CDC7: variants seen among roughly 807,000 people sequenced by gnomAD.
CDC7 encodes the protein cell division cycle 7-related protein kinase.
Under a neutral mutation model 53.5 loss-of-function variants are expected in CDC7, and 34 were observed. The observed-to-expected ratio is 0.64, with a 90% CI of 0.48 to 0.85. The LOEUF (loss-of-function observed/expected upper bound fraction) is 0.85. Ranked by LOEUF, CDC7 falls within the 40% of genes least tolerant of loss-of-function variation. The pLI, the probability that CDC7 is intolerant of heterozygous loss-of-function variation, is 0.00. For synonymous variants in CDC7, 211 were observed against 222.8 expected (o/e 0.95, Z 0.47); for missense variants, 594 against 679.7 (o/e 0.87, Z 1.40).
chr1:91,523,453 C>T (rs1668085839), intron 11 of CDC7, among the ~76,000 whole-genome samples: 1 of 152,082 alleles, frequency 6.6e-6, no homozygotes. Context: ...ACAGTTCCTG[C>T]CTTCAAAGAG....
chr1:91,506,756 C>A (rs1243442373), intron 2 of CDC7, among the ~76,000 whole-genome samples: 1 of 152,148 alleles, frequency 6.6e-6, no homozygotes, highest in African/African-American at 2.4e-5. Context: ...TCAAGACCAG[C>A]CTGGCCATTG....
At chr1:91,506,720 T>G (rs1571315497) in intron 2 of CDC7, among the ~76,000 whole-genome samples, 1 of 152,054 alleles carries the variant, frequency 6.6e-6, no homozygotes, top group African/African-American at 2.4e-5. Flanking sequence ...GAGGCCAAGG[T>G]GGGCAGATCA....
chr1:91,508,610 A>C (rs1667111325), intron 4 of CDC7, among the ~76,000 whole-genome samples: 1 of 152,062 alleles, frequency 6.6e-6, no homozygotes, highest in Non-Finnish European at 1.5e-5. Flanking sequence ...GCTCGACCTG[A>C]TTTCCTGTCT....
intron 2 of CDC7, among the ~76,000 whole-genome samples, chr1:91,502,809 G>A (rs1045984710): frequency 6.6e-6 from 1 of 152,034 alleles, no homozygotes; most frequent in Non-Finnish European, 1.5e-5. Flanking sequence ...TATGCTGCCT[G>A]CTTGCACTTT....
At chr1:91,503,633 C>T (rs1309137738) in intron 2 of CDC7, among the ~76,000 whole-genome samples, 1 of 152,164 alleles carries the variant, frequency 6.6e-6, no homozygotes, top group African/African-American at 2.4e-5. Flanking sequence ...AATAGCATGT[C>T]TCTTTATTTT....
chr1:91,502,920 C>A (rs1168182853), intron 2 of CDC7, among the ~76,000 whole-genome samples: 2 of 152,086 alleles, frequency 1.3e-5, no homozygotes, highest in Non-Finnish European at 2.9e-5. Flanking sequence ...TCCATTTTTC[C>A]AGCAGTTAGC....
intron 4 of CDC7, among the ~76,000 whole-genome samples, chr1:91,509,811 A>G (rs930569705): frequency 2.6e-5 from 4 of 151,988 alleles, no homozygotes; most frequent in African/African-American, 9.7e-5. Context: ...ACTGTGCTCC[A>G]TTTCTTTAGT....
intron 11 of CDC7, 47 bp from the exon 12 acceptor site, chr1:91,523,994 A>G: frequency 6.8e-7 from 1 of 1,463,158 alleles, no homozygotes; most frequent in Non-Finnish European, 9.3e-7. Context: ...ATATTCAAAT[A>G]ATAAAATGTT....
rs1354669775 is a variant in CDC7 at position 91,501,685 on chromosome 1, T to C, written c.-32T>C. 2 of 1,511,108 alleles carry C rather than the reference T, an allele frequency of 1.3e-6. No homozygotes were observed. The highest frequency in any genetic ancestry group is 1.8e-6 in the Non-Finnish European group (2 of 1,087,016). The allele number at this position is 1,511,108 out of a possible 1,614,324, so 93.6% of individuals were successfully genotyped here. A position where few individuals can be genotyped will look rare whatever the true frequency, so the allele number is the denominator to read the frequency against. On this transcript the variant is annotated 5_prime_UTR_variant, in exon 2 of 12. Transcript: ENST00000234626. ...TGCTCCCCCTGTGGATGTAACCCCT[T>C]AGCTGGCATTTTGCATCTCAATTGG...
chr1:91,506,763 A>G (rs1667013097), intron 2 of CDC7, among the ~76,000 whole-genome samples: 1 of 152,116 alleles, frequency 6.6e-6, no homozygotes, highest in Admixed American at 6.5e-5. Context: ...CAGCCTGGCC[A>G]TTGTGGTGAA....
At chr1:91,512,590 C>T (rs1325761482) in intron 6 of CDC7, among the ~76,000 whole-genome samples, 1 of 151,732 alleles carries the variant, frequency 6.6e-6, no homozygotes, top group African/African-American at 2.4e-5. Context: ...AACATAAATA[C>T]CTCTATATAA....
intron 6 of CDC7, among the ~76,000 whole-genome samples, chr1:91,512,336 G>A (rs1409156160): frequency 3.9e-5 from 6 of 152,152 alleles, no homozygotes; most frequent in South Asian, 2.1e-4. Flanking sequence ...AATTGTATTA[G>A]TGGAATAATG....
intron 10 of CDC7, among the ~76,000 whole-genome samples, chr1:91,518,672 G>A (rs1667733163): frequency 6.6e-6 from 1 of 152,096 alleles, no homozygotes; most frequent in Non-Finnish European, 1.5e-5. Flanking sequence ...CTAATTTGTG[G>A]GATCTAAAAA....
At chr1:91,504,955 A>G (rs1185078314) in intron 2 of CDC7, among the ~76,000 whole-genome samples, 1 of 152,248 alleles carries the variant, frequency 6.6e-6, no homozygotes, top group Non-Finnish European at 1.5e-5. Context: ...CAGAGAGTAA[A>G]CAAAAGAAGT....
chr1:91,524,360 A>G lies in CDC7; in HGVS notation c.1650A>G (p.Leu550=). 1 of 1,613,472 alleles carries G rather than the reference A, an allele frequency of 6.2e-7. No individual in the cohort carries two copies. Among genetic ancestry groups the G allele is most frequent in the Non-Finnish European group, 8.5e-7 (1 of 1,179,758 alleles). ...DEAYDLLDKL[L]DLNPASRITA... ...CTTATGACCTGCTTGATAAACTTCT[A>G]GATCTAAATCCAGCTTCAAGAATAA... The change falls in exon 12 of 12, where the codon CTA becomes CTG. Residue 550 remains leucine (L), a synonymous_variant. Coordinates refer to ENST00000234626, the MANE Select transcript of CDC7 (RefSeq NM_003503.4).
chr1:91,507,563 G>A (rs1157769935), intron 2 of CDC7, among the ~76,000 whole-genome samples: 1 of 151,820 alleles, frequency 6.6e-6, no homozygotes, highest in Non-Finnish European at 1.5e-5. Flanking sequence ...TAAAAATTTG[G>A]TGCTTTTTCA....
At chr1:91,503,960 ATAT>A (rs1666839712) in intron 2 of CDC7, among the ~76,000 whole-genome samples, 1 of 152,088 alleles carries the variant, frequency 6.6e-6, no homozygotes, top group Admixed American at 6.6e-5. Context: ...GGTCCATTGC[ATAT>A]TATATTATAA....
In CDC7 at chr1:91,514,990, C is replaced by T. The variant is rs769986292; in HGVS notation, c.1090C>T (p.Leu364Phe). ...YATDKVCSICLSRRQQVAPRA... is the reference protein window; with the variant it reads ...YATDKVCSICFSRRQQVAPRA... The stretch of plus-strand genomic sequence containing the variant: ...AACAGATAAAGTTTGTAGTATTTGC[C>T]TTTCAAGGTAATGTGTTTTGATGGT... Residue 364 changes from leucine (L) to phenylalanine (F), a missense_variant, in exon 9 of 12, where the codon CTT becomes TTT. Transcript: ENST00000234626. 4 of 1,608,378 alleles carry T rather than the reference C, an allele frequency of 2.5e-6. No individual in the cohort carries two copies. The highest frequency in any genetic ancestry group is 1.3e-5 in the African/African-American group (1 of 74,518).
intron 10 of CDC7, among the ~76,000 whole-genome samples, chr1:91,517,443 A>AT (rs1319859407): frequency 6.6e-6 from 1 of 152,200 alleles, no homozygotes; most frequent in Non-Finnish European, 1.5e-5. Context: ...TGTTTACCAG[A>AT]TTCCTAGCTT....
Sources: gnomAD v4.1 joint callset for allele counts (sites outside exome capture counted in the v4.1 genomes callset) on GRCh38, gnomAD v4.1.1 for gene constraint, MANE v1.5 for transcripts, NCBI Gene and HGNC (gene_info 2026-07-23, HGNC 2026-07-21) for gene names.